The following HYDIN variants were observed in gnomAD, a reference collection of about 807,000 sequenced individuals.
HYDIN encodes HYDIN axonemal central pair apparatus protein.
HYDIN carries 132 observed loss-of-function variants against 403.9 expected under a neutral mutation model. The observed-to-expected ratio is 0.33, with a 90% CI of 0.28 to 0.38. The LOEUF (loss-of-function observed/expected upper bound fraction) is 0.38. HYDIN is among the 10% of genes least tolerant of loss of function. The pLI, the probability that HYDIN is intolerant of heterozygous loss-of-function variation, is 1.00. For synonymous variants in HYDIN, 1,202 were observed against 1,891.7 expected (o/e 0.64, Z 9.46); for missense variants, 2,827 against 5,009.5 (o/e 0.56, Z 13.15).
intron 20 of HYDIN, among the ~76,000 whole-genome samples, chr16:71,026,449 C>T (rs2080703365): frequency 1.3e-5 from 2 of 152,050 alleles, no homozygotes; most frequent in Admixed American, 1.3e-4. Context: ...GTTTAGTCCC[C>T]CAGCAGCTCA....
intron 41 of HYDIN, among the ~76,000 whole-genome samples, chr16:70,949,929 C>T (rs1360377687): frequency 1.3e-5 from 2 of 152,246 alleles, no homozygotes; most frequent in Admixed American, 6.5e-5. Context: ...TTTGATAACA[C>T]CCTATATGGT....
At chr16:70,872,293 A>G in intron 64 of HYDIN, 114 bp from the exon 65 acceptor site, 1 of 537,154 alleles carries the variant, frequency 1.9e-6, no homozygotes, top group Non-Finnish European at 3.3e-6. Context: ...TTGGATGGCT[A>G]TATTTGAGAA....
chr16:70,921,687 T>C (rs1178410459), intron 45 of HYDIN, among the ~76,000 whole-genome samples: 1 of 152,134 alleles, frequency 6.6e-6, no homozygotes, highest in Non-Finnish European at 1.5e-5. Context: ...GCAACATTAA[T>C]ACCTACTCCA....
chr16:70,831,228 G>T, intron 80 of HYDIN, among the ~76,000 whole-genome samples: 1 of 151,828 alleles, frequency 6.6e-6, no homozygotes, highest in Admixed American at 6.6e-5. Context: ...AGAATCAGAA[G>T]GCCAGGCTTG....
At chr16:71,002,498 G>C (rs1159160621) in intron 23 of HYDIN, among the ~76,000 whole-genome samples, 1 of 151,566 alleles carries the variant, frequency 6.6e-6, no homozygotes, top group Admixed American at 6.6e-5. Flanking sequence ...GTTGCAGTGG[G>C]CCATGATCAT....
At position 71,178,988 on chromosome 16, in the gene HYDIN, A is replaced by G. The variant is rs2086795130; in HGVS notation, c.321T>C (p.Phe107=). ...AGACTTCACAGGGAGTGTAGTTCTG[A>G]AATATAATTTCTGATGGAAAGGGCT... ...LFQPFPSEII[F]QNYTPCEVYE... The change falls in exon 4 of 86, where the codon TTT becomes TTC. Residue 107 remains phenylalanine, a synonymous_variant. Transcript: ENST00000393567. 1 of 1,612,182 alleles carries G rather than the reference A, an allele frequency of 6.2e-7. No individual in the cohort carries two copies.
chr16:70,866,557 C>T (rs2039764208), intron 66 of HYDIN, among the ~76,000 whole-genome samples: 2 of 151,880 alleles, frequency 1.3e-5, no homozygotes, highest in Admixed American at 6.6e-5. Context: ...ATCCTTGCTT[C>T]ACAACATACA....
In HYDIN at chr16:71,190,405, TA is replaced by T. The variant is rs1336765050; in HGVS notation, c.-23-3488del. Among the ~76,000 whole-genome samples the T allele has an allele frequency of 2.0e-5, 3 of 152,044 alleles. No individual in the cohort carries two copies. The East Asian group carries it at 5.8e-4, about 29-fold the overall frequency. On this transcript the variant is annotated intron_variant, in intron 1 of 85. Coordinates refer to ENST00000393567, the MANE Select transcript of HYDIN (RefSeq NM_001270974.2). ...TTAAATCTAAATTTAAATGATACTT[TA>T]AAAAAATAATTGGTCACCTTTGGAA...
At chr16:71,173,808 T>A (rs2086560985) in intron 5 of HYDIN, among the ~76,000 whole-genome samples, 1 of 152,194 alleles carries the variant, frequency 6.6e-6, no homozygotes, top group African/African-American at 2.4e-5. Flanking sequence ...GAAAGTCTTG[T>A]GTATCCCTTT....
chr16:71,203,558 C>T (rs80286373), intron 1 of HYDIN, among the ~76,000 whole-genome samples: 3,463 of 152,240 alleles, frequency 0.023, 64 homozygotes, highest in Non-Finnish European at 0.036. Flanking sequence ...AATATATAGA[C>T]TAATTAATCT....
chr16:71,005,415 T>C (rs1384270671), intron 23 of HYDIN, among the ~76,000 whole-genome samples: 2 of 151,978 alleles, frequency 1.3e-5, no homozygotes, highest in Non-Finnish European at 2.9e-5. Context: ...CTCTCTCCTT[T>C]TGCTATACGA....
intron 77 of HYDIN, 136 bp downstream of exon 77, chr16:70,837,554 C>T (rs569558987): frequency 1.9e-5 from 12 of 618,622 alleles, no homozygotes; most frequent in South Asian, 3.9e-5. Flanking sequence ...CAGTGGGACT[C>T]GCTGACCTAC....
At chr16:71,065,241 C>G (rs1237707437) in intron 15 of HYDIN, among the ~76,000 whole-genome samples, 1 of 151,262 alleles carries the variant, frequency 6.6e-6, no homozygotes, top group East Asian at 1.9e-4. Context: ...AGTCAGAAAG[C>G]CCCCCAAGGA....
chr16:71,130,472 T>G (rs1349665740), intron 8 of HYDIN, among the ~76,000 whole-genome samples: 5 of 91,352 alleles, frequency 5.5e-5, no homozygotes, highest in Admixed American at 4.7e-4. Context: ...ATATACCGGT[T>G]TTTTTTTTTT....
rs1394927589 is a variant in HYDIN at position 70,898,317 on chromosome 16, C to A, written c.9049-2237G>T. ...AACCCCTGGACTCCCCATGATCCAG[C>A]AACTAGAGGACGAAGCTGGCACAGC... On this transcript the variant is annotated intron_variant, in intron 53 of 85. Transcript: ENST00000393567. 2.0e-5 allele frequency among the ~76,000 whole-genome samples: 3 copies of A among 152,324 alleles called. No individual in the cohort carries two copies. The East Asian group carries it at 5.8e-4, about 29-fold the overall frequency.
At chr16:70,896,202 A>G in intron 53 of HYDIN, 122 bp from the exon 54 acceptor site, 1 of 1,176,574 alleles carries the variant, frequency 8.5e-7, no homozygotes, top group South Asian at 1.8e-5. Flanking sequence ...CCCTGTAGGT[A>G]TTTTATCTTC....
At position 70,946,110 on chromosome 16, in the gene HYDIN, A is replaced by G. The variant is rs1287272697; in HGVS notation, c.6532-2161T>C. ...AGGGGACAACTGCAGGAATTTAGCC[A>G]TTGGATAAGAGAAGGGGTGGGGCTG... On this transcript the variant is annotated intron_variant, in intron 41 of 85. Coordinates refer to ENST00000393567, the MANE Select transcript of HYDIN (RefSeq NM_001270974.2). Among the ~76,000 whole-genome samples the G allele has an allele frequency of 2.7e-5, 4 of 145,642 alleles. No individual in the cohort carries two copies. In the East Asian group the frequency reaches 8.0e-4, roughly 29 times the overall value.
intron 8 of HYDIN, among the ~76,000 whole-genome samples, chr16:71,136,236 C>A (rs2084913411): frequency 7.3e-6 from 1 of 137,552 alleles, no homozygotes. Context: ...TCTCCACTGC[C>A]TGAAGTGCCA....
At chr16:70,837,604 G>A (rs2037518662) in intron 77 of HYDIN, 86 bp downstream of exon 77, 1 of 1,305,576 alleles carries the variant, frequency 7.7e-7, no homozygotes, top group East Asian at 2.4e-5. Flanking sequence ...GGGGCTGGAA[G>A]GGTGAAGGGG....
Sources: gnomAD v4.1 joint callset for allele counts (sites outside exome capture counted in the v4.1 genomes callset) on GRCh38, gnomAD v4.1.1 for gene constraint, MANE v1.5 for transcripts, NCBI Gene and HGNC (gene_info 2026-07-23, HGNC 2026-07-21) for gene names.